MYO6: variants seen among roughly 807,000 people sequenced by gnomAD.
The protein encoded by MYO6 is unconventional myosin-VI.
Under a neutral mutation model 178.7 loss-of-function variants are expected in MYO6, and 74 were observed. The observed-to-expected ratio is 0.41, with a 90% CI of 0.34 to 0.50. The LOEUF is 0.50. MYO6 is among the 20% of genes least tolerant of loss of function. The pLI, the probability that MYO6 is intolerant of heterozygous loss-of-function variation, is 0.09. For synonymous variants in MYO6, 477 were observed against 504.6 expected (o/e 0.95, Z 0.73); for missense variants, 1,330 against 1,547.4 (o/e 0.86, Z 2.36).
At chr6:75,788,981 A>G (rs760382018) in intron 1 of MYO6, among the ~76,000 whole-genome samples, 63 of 152,366 alleles carry the variant, frequency 4.1e-4, no homozygotes, top group Non-Finnish European at 8.2e-4. Flanking sequence ...TTCATATGCA[A>G]TGTAACTTCT....
chr6:75,831,182 C>T (rs1056531361), intron 5 of MYO6, among the ~76,000 whole-genome samples: 3 of 152,194 alleles, frequency 2.0e-5, no homozygotes, highest in Non-Finnish European at 2.9e-5. Context: ...AATTACCCCT[C>T]TTCCCACCAA....
chr6:75,771,026 A>T (rs1296605418), intron 1 of MYO6, among the ~76,000 whole-genome samples: 1 of 144,438 alleles, frequency 6.9e-6, no homozygotes, highest in African/African-American at 2.6e-5. Context: ...CCCCCCTGAG[A>T]TGGTCTCACT....
chr6:75,794,152 A>G (rs1471088093), intron 1 of MYO6, among the ~76,000 whole-genome samples: 1 of 152,178 alleles, frequency 6.6e-6, no homozygotes, highest in African/African-American at 2.4e-5. Context: ...ATATATAGGT[A>G]ATAGAAGAGA....
chr6:75,892,793 G>A, intron 28 of MYO6, 103 bp downstream of exon 28: 4 of 1,214,380 alleles, frequency 3.3e-6, no homozygotes, highest in Non-Finnish European at 4.6e-6. Context: ...ATAATATTCT[G>A]AAGGCCCTGA....
At chr6:75,881,574 A>G (rs1335454446) in intron 22 of MYO6, 115 bp from the exon 23 acceptor site, 5 of 1,038,626 alleles carry the variant, frequency 4.8e-6, no homozygotes, top group Non-Finnish European at 7.2e-6. Flanking sequence ...TGTAATTGAC[A>G]TGTGACCATT....
At chr6:75,794,547 G>A (rs1388464869) in intron 1 of MYO6, among the ~76,000 whole-genome samples, 2 of 152,084 alleles carry the variant, frequency 1.3e-5, no homozygotes, top group African/African-American at 2.4e-5. Context: ...AATTATATGT[G>A]TGTGTTCAAT....
chr6:75,846,278 G>A (rs2150271051), intron 10 of MYO6, among the ~76,000 whole-genome samples: 1 of 152,002 alleles, frequency 6.6e-6, no homozygotes, highest in South Asian at 2.1e-4. Context: ...ACTGGTTAAT[G>A]TTACTTTTAT....
At chr6:75,812,210 G>A (rs1770761982) in intron 1 of MYO6, among the ~76,000 whole-genome samples, 1 of 152,118 alleles carries the variant, frequency 6.6e-6, no homozygotes, top group Non-Finnish European at 1.5e-5. Context: ...GATTTTTGTA[G>A]AGGTGGAGTC....
At chr6:75,766,365 T>C (rs1212127095) in intron 1 of MYO6, among the ~76,000 whole-genome samples, 1 of 152,048 alleles carries the variant, frequency 6.6e-6, no homozygotes, top group Admixed American at 6.6e-5. Flanking sequence ...CAGTGTAACC[T>C]ACACATATGT....
At position 75,867,047 on chromosome 6, in the gene MYO6, A is replaced by G. The variant is rs1776761386; in HGVS notation, c.1886A>G (p.Lys629Arg). ...ELFESSTNNNKDTKQKAGKLS... is the reference protein window; with the variant it reads ...ELFESSTNNNRDTKQKAGKLS... ...TTTGAATCATCCACAAATAACAACA[A>G]AGATACTAAACAAAAAGCAGGAAAA... is the stretch of plus-strand genomic sequence containing the variant. Residue 629 changes from lysine (K) to arginine (R), a missense_variant, in exon 18 of 35, where the codon AAA becomes AGA. Lys to Arg is a conservative substitution (Grantham distance 26). This residue lies in a region of MYO6 where 613 missense variants were observed against 816.8 expected (regional missense o/e 0.75). Transcript: ENST00000369977. 1 of 1,614,036 alleles carries G rather than the reference A, an allele frequency of 6.2e-7. No homozygotes were observed. The highest frequency in any genetic ancestry group is 8.5e-7 in the Non-Finnish European group (1 of 1,179,930).
chr6:75,900,468 G>A (rs1164074101), intron 30 of MYO6, among the ~76,000 whole-genome samples: 1 of 152,126 alleles, frequency 6.6e-6, no homozygotes, highest in Admixed American at 6.5e-5. Flanking sequence ...GTTTTGATTT[G>A]CATTTCTCTG....
chr6:75,780,299 G>T (rs914633161), intron 1 of MYO6, among the ~76,000 whole-genome samples: 8 of 152,136 alleles, frequency 5.3e-5, no homozygotes, highest in African/African-American at 1.9e-4. Context: ...AAAATTAGCT[G>T]GGTGTGGTGG....
intron 1 of MYO6, among the ~76,000 whole-genome samples, chr6:75,758,455 A>T (rs1194369902): frequency 6.6e-6 from 1 of 151,628 alleles, no homozygotes; most frequent in Non-Finnish European, 1.5e-5. Context: ...TGACTGTTTC[A>T]GCTTTTTGTT....
chr6:75,815,050 C>T (rs1033769265), intron 1 of MYO6, among the ~76,000 whole-genome samples: 1 of 152,098 alleles, frequency 6.6e-6, no homozygotes, highest in African/African-American at 2.4e-5. Flanking sequence ...ATTAGATTTA[C>T]CTTTTGGTAG....
intron 30 of MYO6, among the ~76,000 whole-genome samples, chr6:75,901,116 A>C (rs1052045810): frequency 1.3e-5 from 2 of 152,190 alleles, no homozygotes; most frequent in Non-Finnish European, 2.9e-5. Context: ...TACCAGTAGC[A>C]TGCTGTTATG....
chr6:75,839,173 T>G (rs1562231636), intron 7 of MYO6, among the ~76,000 whole-genome samples: 1 of 151,862 alleles, frequency 6.6e-6, no homozygotes, highest in Non-Finnish European at 1.5e-5. Flanking sequence ...TCATGTTTAT[T>G]TTTTAATTTA....
intron 11 of MYO6, among the ~76,000 whole-genome samples, chr6:75,851,319 T>G (rs1251061320): frequency 6.6e-6 from 1 of 152,236 alleles, no homozygotes; most frequent in Non-Finnish European, 1.5e-5. Flanking sequence ...CAGGGAAGAT[T>G]GGAAAGAGAC....
At chr6:75,866,504 T>C (rs1318558584) in intron 16 of MYO6, 22 bp from the exon 17 acceptor site, 1 of 1,540,766 alleles carries the variant, frequency 6.5e-7, no homozygotes. Flanking sequence ...ATTTAATAAC[T>C]CATATATGTA....
rs113864154 is a variant in MYO6 at position 75,814,864 on chromosome 6, C to CAAA, written c.-47-2623_-47-2621dup. On this transcript the variant is annotated intron_variant, in intron 1 of 34. Transcript: ENST00000369977. ...CCTGGGTGATAGAAAGACCCAGTCT[C>CAAA]AAAAAAAAAAAAAAAAGATATTTCA... Among the ~76,000 whole-genome samples the CAAA allele has an allele frequency of 0.015, 1,526 of 102,902 alleles. 53 individuals are homozygous for CAAA. In the East Asian group the frequency reaches 0.17, roughly 11 times the overall value. 67.5% of individuals were successfully genotyped at this position (102,902 alleles called of 152,430 possible). A position where few individuals can be genotyped will look rare whatever the true frequency, so the allele number is the denominator to read the frequency against.
Sources: gnomAD v4.1 joint callset for allele counts (sites outside exome capture counted in the v4.1 genomes callset) on GRCh38, gnomAD v4.1.1 for gene constraint, gnomAD v4.1.1 regional missense constraint, MANE v1.5 for transcripts, NCBI Gene and HGNC (gene_info 2026-07-23, HGNC 2026-07-21) for gene names.